Variants in PDE4D observed in about 807,000 individuals in gnomAD.
PDE4D encodes the protein 3',5'-cyclic-AMP phosphodiesterase 4D.
In PDE4D, 24 loss-of-function variants were observed where a neutral mutation model predicts 87.4. The observed-to-expected ratio is 0.27, with a 90% CI of 0.20 to 0.39. PDE4D has a LOEUF of 0.39. Among genes scored for constraint, PDE4D ranks in the 10% least tolerant of loss-of-function variants. The pLI, the probability that PDE4D is intolerant of heterozygous loss-of-function variation, is 1.00. For synonymous variants in PDE4D, 384 were observed against 383.2 expected (o/e 1.00, Z -0.02); for missense variants, 714 against 1,041.0 (o/e 0.69, Z 4.32).
intron 5 of PDE4D, among the ~76,000 whole-genome samples, chr5:59,151,172 G>T (rs2153460146): frequency 6.6e-6 from 1 of 152,228 alleles, no homozygotes; most frequent in Non-Finnish European, 1.5e-5. Flanking sequence ...ATGGTGATGA[G>T]GGACGTTTGT....
intron 1 of PDE4D, among the ~76,000 whole-genome samples, chr5:59,371,978 G>A (rs1299480136): frequency 6.6e-6 from 1 of 152,164 alleles, no homozygotes; most frequent in Non-Finnish European, 1.5e-5. Context: ...CAGCACAGTA[G>A]GAGTGAAATA....
intron 1 of PDE4D, among the ~76,000 whole-genome samples, chr5:59,663,346 T>C (rs1408488676): frequency 6.6e-6 from 1 of 151,868 alleles, no homozygotes; most frequent in African/African-American, 2.4e-5. Context: ...TGTATTTTTT[T>C]TTTCAGTAGA....
intron 1 of PDE4D, among the ~76,000 whole-genome samples, chr5:59,414,412 A>C (rs1201601494): frequency 1.3e-5 from 2 of 152,184 alleles, no homozygotes; most frequent in African/African-American, 4.8e-5. Context: ...CTGGACCTTG[A>C]AGAAAGGGTA....
chr5:59,761,853 AT>A (rs1762005579), intron 1 of PDE4D, among the ~76,000 whole-genome samples: 1 of 152,184 alleles, frequency 6.6e-6, no homozygotes, highest in Admixed American at 6.6e-5. Flanking sequence ...CAACATAGTT[AT>A]TATTAAGTAT....
At chr5:59,925,884 T>C (rs1755205337) in intron 3 of PDE4D, among the ~76,000 whole-genome samples, 1 of 152,064 alleles carries the variant, frequency 6.6e-6, no homozygotes, top group South Asian at 2.1e-4. Context: ...TTATTAGAGC[T>C]AGAGAGAGAG....
intron 5 of PDE4D, among the ~76,000 whole-genome samples, chr5:59,173,086 G>T (rs1783275904): frequency 6.6e-6 from 1 of 152,042 alleles, no homozygotes; most frequent in Non-Finnish European, 1.5e-5. Context: ...TAACATATAT[G>T]CTAGCTCATC....
chr5:59,575,161 G>T (rs1822920526), intron 1 of PDE4D, among the ~76,000 whole-genome samples: 1 of 152,116 alleles, frequency 6.6e-6, no homozygotes, highest in South Asian at 2.1e-4. Flanking sequence ...CAAGTGAAGA[G>T]ATATTAGGGA....
chr5:60,286,591 G>A (rs554326591), intron 1 of PDE4D, among the ~76,000 whole-genome samples: 16 of 152,218 alleles, frequency 1.1e-4, no homozygotes, highest in South Asian at 4.1e-4. Flanking sequence ...CCATTACACC[G>A]ACTACCATTA....
intron 1 of PDE4D, among the ~76,000 whole-genome samples, chr5:59,524,969 G>C (rs1284389087): frequency 1.3e-5 from 2 of 152,262 alleles, no homozygotes; most frequent in African/African-American, 4.8e-5. Flanking sequence ...GTCCAGGCAA[G>C]AGCCTGCTGC....
chr5:59,438,846 T>C (rs1298751954), intron 1 of PDE4D, among the ~76,000 whole-genome samples: 1 of 152,138 alleles, frequency 6.6e-6, no homozygotes, highest in Non-Finnish European at 1.5e-5. Flanking sequence ...TCAGATTGAA[T>C]ACATCTAGAA....
At chr5:59,672,298 G>A (rs1171580513) in intron 1 of PDE4D, among the ~76,000 whole-genome samples, 4 of 152,092 alleles carry the variant, frequency 2.6e-5, no homozygotes, top group Non-Finnish European at 5.9e-5. Flanking sequence ...AAACCATTAG[G>A]GCTCAGAGAT....
chr5:59,663,546 TTTA>T (rs1362485707), intron 1 of PDE4D, among the ~76,000 whole-genome samples: 5 of 152,298 alleles, frequency 3.3e-5, no homozygotes, highest in Admixed American at 2.0e-4. Context: ...AAATAATCAT[TTTA>T]TTTAGTCTGA....
intron 6 of PDE4D, among the ~76,000 whole-genome samples, chr5:59,017,660 TA>T (rs1754309492): frequency 9.8e-6 from 1 of 101,924 alleles, no homozygotes; most frequent in Non-Finnish European, 2.2e-5. Flanking sequence ...TCCATCAAAA[TA>T]CTTAAAAATG....
chr5:59,321,479 T>G (rs1195970021), intron 1 of PDE4D, among the ~76,000 whole-genome samples: 1 of 152,162 alleles, frequency 6.6e-6, no homozygotes, highest in Non-Finnish European at 1.5e-5. Context: ...ATCTGGCATC[T>G]TGCTCATCTT....
At chr5:60,243,518 A>T (rs939974992) in intron 1 of PDE4D, among the ~76,000 whole-genome samples, 12 of 151,984 alleles carry the variant, frequency 7.9e-5, no homozygotes, top group African/African-American at 2.7e-4. Flanking sequence ...AGAAAAGAAA[A>T]CTGCAGGCCA....
intron 1 of PDE4D, among the ~76,000 whole-genome samples, chr5:59,664,489 G>A (rs1327370332): frequency 6.6e-6 from 1 of 152,126 alleles, no homozygotes; most frequent in Admixed American, 6.5e-5. Context: ...GTTGATTCAT[G>A]AACTGCTTGC....
rs183694705 is a variant in PDE4D at position 59,159,512 on chromosome 5, G to C, written c.808+21083C>G. The stretch of plus-strand genomic sequence containing the variant: ...ATATCTTATTCATTTTTGTTTTCTT[G>C]AAACCCAGAGCACAGAATTAAACAT... On this transcript the variant is annotated intron_variant, in intron 5 of 14. Transcript: ENST00000340635. 2.0e-5 allele frequency among the ~76,000 whole-genome samples: 3 copies of C among 152,062 alleles called. No homozygotes were observed. The East Asian group carries it at 5.8e-4, about 29-fold the overall frequency.
intron 3 of PDE4D, among the ~76,000 whole-genome samples, chr5:59,186,749 T>G (rs1243047097): frequency 6.6e-6 from 1 of 152,170 alleles, no homozygotes; most frequent in East Asian, 1.9e-4. Context: ...CAACCGTGAT[T>G]AACTCAGTCA....
chr5:60,405,199 G>A (rs1336889491), intron 1 of PDE4D, among the ~76,000 whole-genome samples: 2 of 152,174 alleles, frequency 1.3e-5, no homozygotes, highest in Non-Finnish European at 2.9e-5. Flanking sequence ...ATCAGGAGTG[G>A]GCATCCCATC....
Sources: allele counts gnomAD v4.1 joint callset (sites outside exome capture counted in the v4.1 genomes callset), GRCh38; gene constraint gnomAD v4.1.1; transcripts MANE v1.5; gene names NCBI Gene and HGNC (gene_info 2026-07-23, HGNC 2026-07-21).